Variants in MED26 observed in about 807,000 individuals in gnomAD.
MED26 encodes the protein mediator of RNA polymerase II transcription subunit 26.
In MED26, 7 loss-of-function variants were observed where a neutral mutation model predicts 43.7. The observed-to-expected ratio is 0.16, with a 90% CI of 0.09 to 0.30. The LOEUF (loss-of-function observed/expected upper bound fraction) is 0.30. Ranked by LOEUF, MED26 falls within the 10% of genes least tolerant of loss-of-function variation. The probability of loss-of-function intolerance (pLI) is 1.00; values close to 1 mark genes in which losing one functional copy is unlikely to be tolerated. For synonymous variants in MED26, 375 were observed against 371.1 expected, an observed-to-expected ratio of 1.01 and a Z score of -0.12; for missense variants, 784 against 840.6, an observed-to-expected ratio of 0.93 and a Z score of 0.83.
chr19:16,601,363 C>T (rs1213039678), intron 1 of MED26, among the ~76,000 whole-genome samples: 1 of 152,124 alleles, frequency 6.6e-6, no homozygotes, highest in East Asian at 1.9e-4. Context: ...CCATGTTGGT[C>T]AGGCTGGTCT....
chr19:16,619,230 C>T (rs1488889116), intron 1 of MED26, among the ~76,000 whole-genome samples: 1 of 152,224 alleles, frequency 6.6e-6, no homozygotes, highest in Non-Finnish European at 1.5e-5. Flanking sequence ...TCACGGGTCT[C>T]CCACTGACAG....
At chr19:16,621,723 A>G (rs1193960629) in intron 1 of MED26, among the ~76,000 whole-genome samples, 3 of 152,108 alleles carry the variant, frequency 2.0e-5, no homozygotes, top group African/African-American at 7.2e-5. Flanking sequence ...GTATGTCCAC[A>G]TAGCCATCTC....
At chr19:16,585,511 G>A (rs867781194) in intron 1 of MED26, among the ~76,000 whole-genome samples, 4 of 152,084 alleles carry the variant, frequency 2.6e-5, no homozygotes, top group Non-Finnish European at 1.5e-5. Flanking sequence ...AGGGACAGCC[G>A]TCACTCCAGG....
At chr19:16,614,401 T>C (rs1437077238) in intron 1 of MED26, among the ~76,000 whole-genome samples, 4 of 152,102 alleles carry the variant, frequency 2.6e-5, no homozygotes, top group Non-Finnish European at 1.5e-5. Flanking sequence ...TGGTAGCGTG[T>C]GTCTGTAGTC....
At chr19:16,627,815 G>A (rs2086288827) in intron 1 of MED26, 57 bp downstream of exon 1, 14 of 1,323,276 alleles carry the variant, frequency 1.1e-5, no homozygotes, top group Admixed American at 1.0e-4. Flanking sequence ...GTACAGGAGA[G>A]GGGGAGGGTC....
intron 1 of MED26, chr19:16,597,449 A>G (rs187898264): frequency 2.5e-6 from 1 of 398,644 alleles, no homozygotes. Context: ...TTCACACCGC[A>G]CTTCCTAAAC....
chr19:16,626,930 C>A, intron 1 of MED26, among the ~76,000 whole-genome samples: 1 of 131,398 alleles, frequency 7.6e-6, no homozygotes, highest in Non-Finnish European at 1.6e-5. Context: ...CACCCCCCCA[C>A]CCCCGCAACA....
At chr19:16,617,956 G>C (rs1415759670) in intron 1 of MED26, among the ~76,000 whole-genome samples, 1 of 152,158 alleles carries the variant, frequency 6.6e-6, no homozygotes, top group Non-Finnish European at 1.5e-5. Flanking sequence ...ACCAACATCA[G>C]GTGCTTACTG....
chr19:16,616,125 G>A lies in MED26; in HGVS notation c.72+11747C>T, dbSNP rs566308945. On this transcript the variant is annotated intron_variant, in intron 1 of 2. Coordinates refer to ENST00000263390, the MANE Select transcript of MED26 (RefSeq NM_004831.5). ...GCAGAGACCAGGAGGAAGGCCATGG[G>A]AGCTAGATGGGCTCTCTACCACCAA... Among the ~76,000 whole-genome samples, 8 of 152,296 alleles carry A rather than the reference G, an allele frequency of 5.3e-5. No homozygotes were observed. The East Asian group carries it at 1.5e-3, about 29-fold the overall frequency.
chr19:16,616,934 G>A (rs1375403174), intron 1 of MED26, among the ~76,000 whole-genome samples: 1 of 152,164 alleles, frequency 6.6e-6, no homozygotes, highest in Non-Finnish European at 1.5e-5. Context: ...GCGCCCTAAA[G>A]AGAAGACAAC....
At chr19:16,613,597 T>A (rs1286226950) in intron 1 of MED26, among the ~76,000 whole-genome samples, 1 of 152,170 alleles carries the variant, frequency 6.6e-6, no homozygotes, top group Non-Finnish European at 1.5e-5. Context: ...AGCAGTGTTA[T>A]CTCCGGATGA....
At chr19:16,580,610 A>G (rs1374979219) in intron 1 of MED26, among the ~76,000 whole-genome samples, 2 of 151,918 alleles carry the variant, frequency 1.3e-5, no homozygotes, top group African/African-American at 4.8e-5. Context: ...ACCTCAGGTG[A>G]TCTGCCCTCC....
chr19:16,612,477 G>A (rs920299040), intron 1 of MED26, among the ~76,000 whole-genome samples: 1 of 151,898 alleles, frequency 6.6e-6, no homozygotes, highest in Non-Finnish European at 1.5e-5. Flanking sequence ...CTACAGACAA[G>A]GTGTCACTAT....
In MED26 at chr19:16,577,384, C is replaced by G; in HGVS notation, c.446G>C (p.Arg149Pro). 6.2e-7 allele frequency: 1 copy of G among 1,608,484 alleles called. No homozygotes were observed. Among genetic ancestry groups the G allele is most frequent in the Non-Finnish European group, 8.5e-7 (1 of 1,177,656 alleles). Residue 149 changes from arginine (R) to proline (P), a missense_variant, in exon 3 of 3, where the codon CGC becomes CCC. Physicochemically the swap from Arg to Pro is moderately radical, Grantham distance 103. Around this residue, in one of 3 missense-constraint regions of MED26, gnomAD observed 719 missense variants for 730.9 expected, o/e 0.98. Transcript: ENST00000263390. The surrounding 1 kb of genome is among the most constrained non-coding windows in gnomAD (Gnocchi z 8.1). ...GCCGAGGTCACGCTGGTCACCCCGGCGCTTGCGGCTGCCCAGCCTGTCCAG... is the reference window on the plus strand; with the variant it reads ...GCCGAGGTCACGCTGGTCACCCCGGGGCTTGCGGCTGCCCAGCCTGTCCAG... ...QRLDRLGSRKRRGDQRDLGHP... is the reference protein window; with the variant it reads ...QRLDRLGSRKPRGDQRDLGHP...
At chr19:16,620,412 G>A (rs2086246398) in intron 1 of MED26, among the ~76,000 whole-genome samples, 1 of 152,222 alleles carries the variant, frequency 6.6e-6, no homozygotes, top group South Asian at 2.1e-4. Context: ...TGTTTTGAAT[G>A]CAGGTGAAGT....
At position 16,607,452 on chromosome 19, in the gene MED26, C is replaced by T. The variant is rs1398341506; in HGVS notation, c.72+20420G>A. Among the ~76,000 whole-genome samples, 4 of 150,822 alleles carry T rather than the reference C, an allele frequency of 2.7e-5. No homozygotes were observed. In the East Asian group the frequency reaches 7.8e-4, roughly 29 times the overall value. Reference sequence around the variant, plus strand: ...TCTGAAGAGGAACTCAGGGAGCAGACAGAGGGCTCACACTCATGTTGGGGA... The same window carrying T: ...TCTGAAGAGGAACTCAGGGAGCAGATAGAGGGCTCACACTCATGTTGGGGA... On this transcript the variant is annotated intron_variant, in intron 1 of 2. Transcript: ENST00000263390.
rs73516930 is a variant in MED26, at chr19:16,602,270, G to T, written c.73-23861C>A. 3.3e-3 allele frequency among the ~76,000 whole-genome samples: 508 copies of T among 152,304 alleles called. 3 individuals carry two copies. Among genetic ancestry groups the T allele is most frequent in the African/African-American group, 0.012 (496 of 41,560 alleles). ...CTTCTCCTCAAAGACACAGAAATGC[G>T]ACTGAAATGGGCATTTCATTCCTTC... On this transcript the variant is annotated intron_variant, in intron 1 of 2. Transcript: ENST00000263390.
At chr19:16,581,183 T>G (rs1463798867) in intron 1 of MED26, among the ~76,000 whole-genome samples, 1 of 145,198 alleles carries the variant, frequency 6.9e-6, no homozygotes. Context: ...CATTTGCTCT[T>G]TGGCAACAAC....
chr19:16,611,787 G>A (rs2086200568), intron 1 of MED26: 4 of 151,952 alleles, frequency 2.6e-5, no homozygotes, highest in Non-Finnish European at 1.5e-5. Context: ...CCATGATTCT[G>A]AAGCTTCTCC....
Sources: gnomAD v4.1 joint callset for allele counts (sites outside exome capture counted in the v4.1 genomes callset) on GRCh38, gnomAD v4.1.1 for gene constraint, gnomAD v4.1.1 regional missense constraint, Gnocchi (gnomAD v3.1) non-coding constraint, MANE v1.5 for transcripts, NCBI Gene and HGNC (gene_info 2026-07-23, HGNC 2026-07-21) for gene names.